The following ARFGEF3 variants were observed in gnomAD, a reference collection of about 807,000 sequenced individuals.
ARFGEF3 encodes the protein brefeldin A-inhibited guanine nucleotide-exchange protein 3.
In ARFGEF3, 96 loss-of-function variants were observed where a neutral mutation model predicts 221.7. The ratio of observed to expected loss-of-function variants is 0.43; its 90% confidence interval spans 0.37 to 0.51. The LOEUF (loss-of-function observed/expected upper bound fraction) is 0.51. Ranked by LOEUF, ARFGEF3 falls within the 20% of genes least tolerant of loss-of-function variation. ARFGEF3 has a pLI of 0.00. For synonymous variants in ARFGEF3, 1,145 were observed against 1,126.8 expected (o/e 1.02, Z -0.32); for missense variants, 2,410 against 2,789.9 (o/e 0.86, Z 3.07).
intron 22 of ARFGEF3, among the ~76,000 whole-genome samples, chr6:138,300,795 A>G (rs1426621980): frequency 2.0e-5 from 3 of 152,244 alleles, no homozygotes; most frequent in Non-Finnish European, 4.4e-5. Flanking sequence ...TCTTAGAAAG[A>G]AAGGTGAACC....
chr6:138,190,959 A>G lies in ARFGEF3; in HGVS notation c.138-16083A>G, dbSNP rs544857872. Among the ~76,000 whole-genome samples the G allele has an allele frequency of 1.8e-4, 28 of 152,136 alleles. No homozygotes were observed. The East Asian group carries it at 5.0e-3, about 27-fold the overall frequency. ...TTGTGTCCTATAATCCTTATATTTGAGTCTGGACTCATCCATTTACCAACT... is the reference window on the plus strand; with the variant it reads ...TTGTGTCCTATAATCCTTATATTTGGGTCTGGACTCATCCATTTACCAACT... On this transcript the variant is annotated intron_variant, in intron 2 of 33. Coordinates refer to ENST00000251691, the MANE Select transcript of ARFGEF3 (RefSeq NM_020340.5).
At position 138,279,906 on chromosome 6, in the gene ARFGEF3, G is replaced by C. The variant is rs116260391; in HGVS notation, c.2296-93G>C. On this transcript the variant is annotated intron_variant, in intron 13 of 33. Coordinates refer to ENST00000251691, the MANE Select transcript of ARFGEF3 (RefSeq NM_020340.5). ...ATACACAAGCCTTGGTTTAGTTCAG[G>C]GCTCTGTGACGTGAAGAGGCAGCAG... The C allele has an allele frequency of 8.0e-4, 1,013 of 1,274,206 alleles. 4 individuals are homozygous for C. The African/African-American group carries it at 0.013, about 17-fold the overall frequency. 78.9% of individuals were successfully genotyped at this position (1,274,206 alleles called of 1,614,324 possible).
chr6:138,317,182 A>G, intron 26 of ARFGEF3, 69 bp from the exon 27 acceptor site: 2 of 1,559,308 alleles, frequency 1.3e-6, no homozygotes, highest in Non-Finnish European at 1.7e-6. Flanking sequence ...ACAATGTTTA[A>G]TTGGATCTTG....
At chr6:138,194,180 A>G (rs949819134) in intron 2 of ARFGEF3, among the ~76,000 whole-genome samples, 3 of 151,856 alleles carry the variant, frequency 2.0e-5, no homozygotes, top group Non-Finnish European at 2.9e-5. Context: ...AGGCAGGAGA[A>G]TCACTTGAAC....
At chr6:138,192,396 A>G (rs1777321695) in intron 2 of ARFGEF3, among the ~76,000 whole-genome samples, 1 of 152,192 alleles carries the variant, frequency 6.6e-6, no homozygotes, top group Non-Finnish European at 1.5e-5. Context: ...CTGAGGCAGG[A>G]GAATAGCTTG....
At chr6:138,227,668 C>T (rs1024532671) in intron 4 of ARFGEF3, among the ~76,000 whole-genome samples, 1 of 152,170 alleles carries the variant, frequency 6.6e-6, no homozygotes, top group African/African-American at 2.4e-5. Context: ...AAATAAAAAA[C>T]CTCAGAGTAA....
chr6:138,246,577 G>A (rs73567061), intron 8 of ARFGEF3, among the ~76,000 whole-genome samples: 3,938 of 152,228 alleles, frequency 0.026, 197 homozygotes, highest in African/African-American at 0.091. Flanking sequence ...TGGTTTCTTC[G>A]TCAATTCTTC....
chr6:138,343,402 T>C lies in ARFGEF3; in HGVS notation c.*6916T>C, dbSNP rs1311791710. The C allele has an allele frequency of 6.6e-6, 1 of 152,056 alleles. No homozygotes were observed. Among genetic ancestry groups the C allele is most frequent in the African/African-American group, 2.4e-5 (1 of 41,416 alleles). 9.4% of individuals were successfully genotyped at this position (152,056 alleles called of 1,614,324 possible). On this transcript the variant is annotated 3_prime_UTR_variant, in exon 34 of 34. Transcript: ENST00000251691. Reference sequence around the variant, plus strand: ...ATCAGAAAGCATATCAGAATGTTGATGATATCAAGGAGACAATCTACAGAG... The same window carrying C: ...ATCAGAAAGCATATCAGAATGTTGACGATATCAAGGAGACAATCTACAGAG...
At chr6:138,294,736 C>T (rs576412112) in intron 20 of ARFGEF3, among the ~76,000 whole-genome samples, 1 of 152,306 alleles carries the variant, frequency 6.6e-6, no homozygotes, top group Non-Finnish European at 1.5e-5. Context: ...GGTCCCAAAG[C>T]ATTGGCAGGT....
At chr6:138,325,371 G>C (rs1006913461) in intron 31 of ARFGEF3, among the ~76,000 whole-genome samples, 5 of 152,178 alleles carry the variant, frequency 3.3e-5, no homozygotes, top group Admixed American at 2.0e-4. Context: ...GCTGTCCTGA[G>C]GTAGTGGGAC....
At chr6:138,292,106 C>T in intron 19 of ARFGEF3, 53 bp downstream of exon 19, 1 of 1,347,898 alleles carries the variant, frequency 7.4e-7, no homozygotes, top group South Asian at 1.7e-5. Context: ...AGGCGACACC[C>T]ACATCCATCT....
chr6:138,162,254 C>A lies in ARFGEF3; in HGVS notation c.85+83C>A. On this transcript the variant is annotated intron_variant, in intron 1 of 33. Transcript: ENST00000251691. The surrounding 1 kb of genome is among the most constrained non-coding windows in gnomAD (Gnocchi z 4.7). ...CGCGCCTCCGCGCGTGGGGCTTTCG[C>A]GGAGCGTCGGTCATGGGTGCCGTTC... 2.1e-6 allele frequency: 2 copies of A among 975,026 alleles called. No individual in the cohort carries two copies. The highest frequency in any genetic ancestry group is 3.0e-6 in the Non-Finnish European group (2 of 666,936). The allele number at this position is 975,026 out of a possible 1,614,324, so 60.4% of individuals were successfully genotyped here.
At chr6:138,254,096 C>A in intron 9 of ARFGEF3, 112 bp downstream of exon 9, 1 of 653,828 alleles carries the variant, frequency 1.5e-6, no homozygotes, top group South Asian at 2.2e-5. Flanking sequence ...GTAGTTTCAT[C>A]TGTGCGTAAA....
intron 2 of ARFGEF3, among the ~76,000 whole-genome samples, chr6:138,181,789 A>G (rs1777083978): frequency 6.6e-6 from 1 of 152,190 alleles, no homozygotes; most frequent in Admixed American, 6.5e-5. Flanking sequence ...TGCTGTGTGC[A>G]TTATTCTGTG....
rs1170868517 is a variant in ARFGEF3, at chr6:138,334,450, G to A, written c.5604G>A (p.Gln1868=). 1 of 1,611,566 alleles carries A rather than the reference G, an allele frequency of 6.2e-7. No individual in the cohort carries two copies. Among genetic ancestry groups the A allele is most frequent in the Non-Finnish European group, 8.5e-7 (1 of 1,179,092 alleles). ...AAGACATCTTTGAGGAAACCGCCCA[G>A]GTCAGCCCCCCGAGAGGCAAGGAGA... ...EDEDIFEETA[Q]VSPPRGKEKR... The change falls in exon 33 of 34, where the codon CAG becomes CAA. Residue 1868 remains glutamine (Q), a synonymous_variant. Transcript: ENST00000251691. The surrounding 1 kb of genome is among the most constrained non-coding windows in gnomAD (Gnocchi z 5.1).
intron 22 of ARFGEF3, among the ~76,000 whole-genome samples, chr6:138,303,860 CAAAAAAAAAAAAAAAA>C (rs140349507): frequency 4.9e-5 from 1 of 20,610 alleles, no homozygotes; most frequent in Non-Finnish European, 9.6e-5. Context: ...GACTCCGTCT[CAAAAAAAAAAAAAAAA>C]AAAAAAAAAA....
At chr6:138,281,025 G>C (rs747572381) in intron 14 of ARFGEF3, among the ~76,000 whole-genome samples, 2 of 152,016 alleles carry the variant, frequency 1.3e-5, no homozygotes, top group Non-Finnish European at 1.5e-5. Flanking sequence ...ATTGCAATGG[G>C]AATATGCCCG....
At chr6:138,279,893 T>C in intron 13 of ARFGEF3, 106 bp from the exon 14 acceptor site, 1 of 1,081,782 alleles carries the variant, frequency 9.2e-7, no homozygotes, top group Non-Finnish European at 1.4e-6. Context: ...ACACAAGCCT[T>C]GGTTTAGTTC....
chr6:138,306,104 AAATT>A (rs1779718889), intron 22 of ARFGEF3, among the ~76,000 whole-genome samples: 1 of 152,184 alleles, frequency 6.6e-6, no homozygotes, highest in African/African-American at 2.4e-5. Flanking sequence ...ATTTGCAAAA[AAATT>A]CTAGTCGAGC....
Sources: allele counts gnomAD v4.1 joint callset (sites outside exome capture counted in the v4.1 genomes callset), GRCh38; gene constraint gnomAD v4.1.1; non-coding constraint Gnocchi (gnomAD v3.1); transcripts MANE v1.5; gene names NCBI Gene and HGNC (gene_info 2026-07-23, HGNC 2026-07-21).